SGTB: variants seen among roughly 807,000 people sequenced by gnomAD.
The protein encoded by SGTB is small glutamine-rich tetratricopeptide repeat-containing protein beta.
A neutral mutation model predicts 43.9 loss-of-function variants in SGTB; 19 were observed. The observed-to-expected ratio is 0.43, with a 90% CI of 0.30 to 0.63. SGTB has a LOEUF of 0.63. SGTB is among the 30% of genes least tolerant of loss of function. The probability of loss-of-function intolerance (pLI) is 0.12; values close to 1 mark genes in which losing one functional copy is unlikely to be tolerated. For synonymous variants in SGTB, 116 were observed against 117.3 expected (o/e 0.99, Z 0.07); for missense variants, 304 against 358.9 (o/e 0.85, Z 1.24).
chr5:65,703,662 T>G (rs1420897395), intron 5 of SGTB, among the ~76,000 whole-genome samples: 1 of 152,148 alleles, frequency 6.6e-6, no homozygotes, highest in Non-Finnish European at 1.5e-5. Context: ...AGGCAGAGGT[T>G]GCAGTGAGCT....
intron 5 of SGTB, among the ~76,000 whole-genome samples, chr5:65,689,466 T>G (rs1357994507): frequency 6.6e-6 from 1 of 152,228 alleles, no homozygotes; most frequent in Non-Finnish European, 1.5e-5. Flanking sequence ...CCATAATGTC[T>G]CCTGCCCTCA....
At chr5:65,717,436 GT>G (rs1758173418) in intron 2 of SGTB, among the ~76,000 whole-genome samples, 1 of 151,650 alleles carries the variant, frequency 6.6e-6, no homozygotes, top group Non-Finnish European at 1.5e-5. Context: ...AATAACTAAA[GT>G]GATATCCTGG....
intron 5 of SGTB, among the ~76,000 whole-genome samples, chr5:65,698,116 C>T (rs1757745369): frequency 6.6e-6 from 1 of 152,092 alleles, no homozygotes; most frequent in African/African-American, 2.4e-5. Flanking sequence ...ATTACAGGCA[C>T]CCTCCACCAT....
In SGTB at chr5:65,672,284, G is replaced by A; in HGVS notation, c.682-3C>T. 1 of 1,613,966 alleles carries A rather than the reference G, an allele frequency of 6.2e-7. No homozygotes were observed. Among genetic ancestry groups the A allele is most frequent in the Non-Finnish European group, 8.5e-7 (1 of 1,179,958 alleles). On this transcript the variant is annotated splice_polypyrimidine_tract_variant and splice_region_variant and intron_variant, in intron 8 of 10. Transcript: ENST00000381007. ...GGGTTCTGCATTAAACTTGCCGCCT[G>A]GAATTGAAAAACAGCACCTCCCATT...
chr5:65,681,309 G>A lies in SGTB; in HGVS notation c.480-515C>T, dbSNP rs372793679. Among the ~76,000 whole-genome samples, 24 of 152,026 alleles carry A rather than the reference G, an allele frequency of 1.6e-4. 2 individuals carry two copies. Among genetic ancestry groups the A allele is most frequent in the African/African-American group, 5.8e-4 (24 of 41,474 alleles). ...TAGATAACTATTCCTGATCAAAAGA[G>A]GTAGATAAAATTAGCATCCTTTACA... On this transcript the variant is annotated intron_variant, in intron 6 of 10. Transcript: ENST00000381007.
intron 5 of SGTB, among the ~76,000 whole-genome samples, chr5:65,693,197 G>A (rs1471835456): frequency 6.6e-6 from 1 of 151,324 alleles, no homozygotes; most frequent in East Asian, 1.9e-4. Context: ...AGGACAGGAT[G>A]GGACGGGAAG....
intron 6 of SGTB, among the ~76,000 whole-genome samples, chr5:65,681,465 T>C (rs1052748099): frequency 2.2e-4 from 33 of 152,264 alleles, no homozygotes; most frequent in African/African-American, 7.7e-4. Context: ...TATGGTGACA[T>C]AGTATTAGGG....
chr5:65,704,035 C>CAAAAAAAAAAAAAAAAAAA (rs11405488), intron 5 of SGTB, among the ~76,000 whole-genome samples: 1 of 133,370 alleles, frequency 7.5e-6, no homozygotes. Flanking sequence ...GACTCCGTCT[C>CAAAAAAAAAAAAAAAAAAA]AAAAAAAAAA....
chr5:65,718,244 C>T (rs1164233907), intron 2 of SGTB, among the ~76,000 whole-genome samples: 3 of 152,126 alleles, frequency 2.0e-5, no homozygotes, highest in Admixed American at 6.5e-5. Context: ...GCATTAGCAG[C>T]ATCCATGGCC....
intron 4 of SGTB, among the ~76,000 whole-genome samples, chr5:65,705,592 A>G (rs1220475064): frequency 1.3e-5 from 2 of 152,244 alleles, no homozygotes; most frequent in African/African-American, 2.4e-5. Flanking sequence ...TTAATAGATC[A>G]TTAGCTGCTT....
chr5:65,697,068 C>G (rs1757729069), intron 5 of SGTB, among the ~76,000 whole-genome samples: 2 of 152,070 alleles, frequency 1.3e-5, no homozygotes. Flanking sequence ...TGGCAGCCAG[C>G]TGGCAAAGAA....
chr5:65,721,423 G>T (rs1281952882), intron 1 of SGTB, among the ~76,000 whole-genome samples: 1 of 152,164 alleles, frequency 6.6e-6, no homozygotes, highest in African/African-American at 2.4e-5. Context: ...AAGCCGACCG[G>T]CGCTCCCTGC....
chr5:65,679,021 T>C (rs1757338201), intron 8 of SGTB, among the ~76,000 whole-genome samples: 1 of 152,154 alleles, frequency 6.6e-6, no homozygotes, highest in Non-Finnish European at 1.5e-5. Context: ...GAGTTTCTTT[T>C]CCACACCAAA....
At chr5:65,683,771 C>A (rs1757445666) in intron 6 of SGTB, among the ~76,000 whole-genome samples, 1 of 151,802 alleles carries the variant, frequency 6.6e-6, no homozygotes, top group Non-Finnish European at 1.5e-5. Context: ...GCAGTGAAAC[C>A]CCGTCTCTAC....
At chr5:65,677,060 A>G (rs1439567907) in intron 8 of SGTB, among the ~76,000 whole-genome samples, 2 of 151,972 alleles carry the variant, frequency 1.3e-5, no homozygotes, top group South Asian at 4.1e-4. Context: ...TGATAAAATT[A>G]ATAAAATAGA....
intron 4 of SGTB, among the ~76,000 whole-genome samples, chr5:65,707,849 A>G (rs554706676): frequency 6.6e-6 from 1 of 152,302 alleles, no homozygotes; most frequent in South Asian, 2.1e-4. Flanking sequence ...TATATAGAAC[A>G]GAGGATTTAT....
At chr5:65,693,343 G>A (rs1294751032) in intron 5 of SGTB, among the ~76,000 whole-genome samples, 2 of 147,506 alleles carry the variant, frequency 1.4e-5, no homozygotes, top group Admixed American at 1.4e-4. Context: ...AGAAGGGAGG[G>A]AAGGAAGGAA....
At chr5:65,677,249 G>A (rs1757299704) in intron 8 of SGTB, among the ~76,000 whole-genome samples, 1 of 150,372 alleles carries the variant, frequency 6.7e-6, no homozygotes, top group Non-Finnish European at 1.5e-5. Flanking sequence ...TAAATTCCTG[G>A]ACACATACAT....
intron 8 of SGTB, among the ~76,000 whole-genome samples, chr5:65,675,669 A>G (rs1452659885): frequency 6.6e-6 from 1 of 152,208 alleles, no homozygotes; most frequent in Non-Finnish European, 1.5e-5. Flanking sequence ...CCTATAAGCC[A>G]GAAGAGATTG....
Sources: allele counts gnomAD v4.1 joint callset (sites outside exome capture counted in the v4.1 genomes callset), GRCh38; gene constraint gnomAD v4.1.1; transcripts MANE v1.5; gene names NCBI Gene and HGNC (gene_info 2026-07-23, HGNC 2026-07-21).